Variants in LINGO2 observed in about 807,000 individuals in gnomAD.
LINGO2 encodes leucine-rich repeat and immunoglobulin-like domain-containing nogo receptor-interacting protein 2.
LINGO2 carries 14 observed loss-of-function variants against 30.6 expected under a neutral mutation model. The ratio of observed to expected loss-of-function variants is 0.46; its 90% CI spans 0.30 to 0.72. The LOEUF (loss-of-function observed/expected upper bound fraction) is 0.72. Among genes scored for constraint, LINGO2 ranks in the 30% least tolerant of loss-of-function variants. LINGO2 has a pLI of 0.07. For synonymous variants in LINGO2, 317 were observed against 288.5 expected (o/e 1.10, Z -1.00); for missense variants, 729 against 751.7 (o/e 0.97, Z 0.35).
the LINGO2 span, among the ~76,000 whole-genome samples, chr9:28,896,793 T>G: frequency 1.3e-5 from 2 of 152,100 alleles, no homozygotes; most frequent in African/African-American, 4.8e-5. Context: ...CATAATAATT[T>G]AGGGATTTAA....
intron 2 of LINGO2, among the ~76,000 whole-genome samples, chr9:28,457,702 A>C (rs1824908052): frequency 6.6e-6 from 1 of 152,156 alleles, no homozygotes; most frequent in East Asian, 1.9e-4. Context: ...AGTAGCTGGA[A>C]TTATAGGTAT....
At chr9:28,351,589 CA>C (rs1299587509) in intron 3 of LINGO2, among the ~76,000 whole-genome samples, 2 of 139,002 alleles carry the variant, frequency 1.4e-5, no homozygotes, top group Non-Finnish European at 3.1e-5. Flanking sequence ...GAACTGGTAC[CA>C]TTCCTTCTGA....
chr9:29,162,109 G>C, the LINGO2 span, among the ~76,000 whole-genome samples: 1 of 151,912 alleles, frequency 6.6e-6, no homozygotes, highest in Non-Finnish European at 1.5e-5. Context: ...GGGTAGGTAC[G>C]GACTTTCATC....
intron 1 of LINGO2, among the ~76,000 whole-genome samples, chr9:28,590,635 G>A (rs62560665): frequency 0.18 from 26,747 of 151,780 alleles, 2,730 homozygotes; most frequent in Admixed American, 0.29. Context: ...TCAGAATGGC[G>A]ATCATTAAAA....
the LINGO2 span, among the ~76,000 whole-genome samples, chr9:28,987,364 T>C: frequency 6.6e-6 from 1 of 152,080 alleles, no homozygotes; most frequent in Admixed American, 6.6e-5. Flanking sequence ...TAAAATTATT[T>C]GTATTTCTGT....
At chr9:28,765,665 C>T in the LINGO2 span, among the ~76,000 whole-genome samples, 10 of 152,146 alleles carry the variant, frequency 6.6e-5, no homozygotes, top group South Asian at 2.1e-3. Context: ...TGACCTTCTG[C>T]TGTGGTGTGA....
the LINGO2 span, chr9:27,938,653 T>G: frequency 6.6e-6 from 1 of 152,170 alleles, no homozygotes; most frequent in Non-Finnish European, 1.5e-5. Flanking sequence ...CACTAAGGCC[T>G]ATCTCTAAAC....
chr9:28,995,399 G>T, the LINGO2 span, among the ~76,000 whole-genome samples: 1 of 152,214 alleles, frequency 6.6e-6, no homozygotes, highest in Non-Finnish European at 1.5e-5. Flanking sequence ...TGGAGAAATA[G>T]GAACACTTTG....
intron 4 of LINGO2, among the ~76,000 whole-genome samples, chr9:28,274,164 C>T (rs553502970): frequency 7.5e-4 from 114 of 152,232 alleles, no homozygotes; most frequent in African/African-American, 2.6e-3. Context: ...GTAACCTAAG[C>T]ACACAAAACT....
At chr9:28,856,865 A>T in the LINGO2 span, among the ~76,000 whole-genome samples, 1,376 of 152,180 alleles carry the variant, frequency 9.0e-3, 22 homozygotes, top group African/African-American at 0.032. Flanking sequence ...TGATGATAGT[A>T]GAAATACAGA....
chr9:28,597,926 A>C (rs902972640), intron 1 of LINGO2, among the ~76,000 whole-genome samples: 5 of 151,814 alleles, frequency 3.3e-5, no homozygotes, highest in African/African-American at 1.2e-4. Context: ...CATCATGCCC[A>C]GCTAATTTTT....
At chr9:28,418,504 C>T (rs1231848748) in intron 2 of LINGO2, among the ~76,000 whole-genome samples, 7 of 152,102 alleles carry the variant, frequency 4.6e-5, no homozygotes, top group East Asian at 1.9e-4. Context: ...GTCTCGAACT[C>T]CTGATCTCGT....
chr9:28,828,363 A>C, the LINGO2 span, among the ~76,000 whole-genome samples: 4 of 152,092 alleles, frequency 2.6e-5, no homozygotes, highest in Non-Finnish European at 5.9e-5. Context: ...AGATATTTTA[A>C]TATATTCATA....
the LINGO2 span, among the ~76,000 whole-genome samples, chr9:28,825,564 TCTGG>T: frequency 2.4e-5 from 3 of 122,856 alleles, no homozygotes; most frequent in Non-Finnish European, 5.6e-5. Flanking sequence ...CTCATTTGTA[TCTGG>T]TTTTTTTTTT....
chr9:28,034,457 T>C (rs1823834979), intron 4 of LINGO2, among the ~76,000 whole-genome samples: 1 of 152,206 alleles, frequency 6.6e-6, no homozygotes, highest in Non-Finnish European at 1.5e-5. Flanking sequence ...GTTTCGCACA[T>C]ATTCTAGTTA....
downstream of LINGO2, among the ~76,000 whole-genome samples, chr9:27,944,976 G>A (rs1251038111): frequency 1.3e-5 from 2 of 152,038 alleles, no homozygotes; most frequent in African/African-American, 4.8e-5. Context: ...GATTAACATG[G>A]GTCAAGTGTC....
intron 4 of LINGO2, among the ~76,000 whole-genome samples, chr9:28,015,452 A>C (rs1822780372): frequency 6.7e-6 from 1 of 150,094 alleles, no homozygotes; most frequent in African/African-American, 2.5e-5. Flanking sequence ...CCCGTAAGTA[A>C]ATCATCAATG....
At chr9:28,022,646 C>A (rs1188173065) in intron 4 of LINGO2, among the ~76,000 whole-genome samples, 1 of 148,756 alleles carries the variant, frequency 6.7e-6, no homozygotes. Context: ...TAACTCTCTT[C>A]TTTTTCTCTC....
intron 3 of LINGO2, among the ~76,000 whole-genome samples, chr9:28,323,083 T>G (rs1270428691): frequency 1.3e-5 from 2 of 152,180 alleles, no homozygotes; most frequent in African/African-American, 4.8e-5. Flanking sequence ...TGTGTTAAAA[T>G]CTGGTGTATA....
Sources: allele counts gnomAD v4.1 joint callset (sites outside exome capture counted in the v4.1 genomes callset), GRCh38; gene constraint gnomAD v4.1.1; transcripts MANE v1.5; gene names NCBI Gene and HGNC (gene_info 2026-07-23, HGNC 2026-07-21).